Variants in SPMIP2 observed in about 807,000 individuals in gnomAD.
SPMIP2 encodes protein SPMIP2.
chr4:159,045,814 C>T, the SPMIP2 span, among the ~76,000 whole-genome samples: 1 of 152,124 alleles, frequency 6.6e-6, no homozygotes, highest in Non-Finnish European at 1.5e-5. Flanking sequence ...GCAGGCAAGC[C>T]GTCAGTTGGG....
the SPMIP2 span, among the ~76,000 whole-genome samples, chr4:158,896,894 G>C: frequency 6.7e-6 from 1 of 149,172 alleles, no homozygotes; most frequent in African/African-American, 2.5e-5. Context: ...TGTGCAAAAC[G>C]TGCAGGTCTG....
the SPMIP2 span, among the ~76,000 whole-genome samples, chr4:159,082,467 G>GTGTATGTGTGTGTGTGTGTGTGTA: frequency 2.0e-5 from 3 of 149,282 alleles, no homozygotes; most frequent in African/African-American, 7.4e-5. Context: ...GTGTGTGTGT[G>GTGTATGTGTGTGTGTGTGTGTGTA]TGTGTGTGTG....
the SPMIP2 span, among the ~76,000 whole-genome samples, chr4:158,998,997 A>G: frequency 5.6e-3 from 851 of 152,050 alleles, 7 homozygotes; most frequent in African/African-American, 0.02. Context: ...CTGTCTCTAC[A>G]AAAAAAATTT....
the SPMIP2 span, among the ~76,000 whole-genome samples, chr4:159,024,123 C>A: frequency 6.6e-6 from 1 of 152,202 alleles, no homozygotes; most frequent in East Asian, 1.9e-4. Context: ...CTCCTGCAAT[C>A]CTGTCCTTTC....
the SPMIP2 span, among the ~76,000 whole-genome samples, chr4:158,976,854 G>GT: frequency 1.3e-5 from 2 of 151,770 alleles, no homozygotes; most frequent in African/African-American, 4.8e-5. Flanking sequence ...TAGAGACGGG[G>GT]TTTCACCATG....
chr4:158,937,209 T>C, the SPMIP2 span, among the ~76,000 whole-genome samples: 1 of 152,258 alleles, frequency 6.6e-6, no homozygotes, highest in African/African-American at 2.4e-5. Flanking sequence ...AACACTTATT[T>C]GATACTGGAT....
At chr4:158,964,151 TCAAAACAAAACAAAA>T in the SPMIP2 span, among the ~76,000 whole-genome samples, 594 of 100,162 alleles carry the variant, frequency 5.9e-3, 8 homozygotes, top group African/African-American at 0.015. Context: ...TGAGACTATC[TCAAAACAAAACAAAA>T]CAAAACAAAA....
chr4:158,973,420 C>T, the SPMIP2 span: 44 of 615,548 alleles, frequency 7.1e-5, no homozygotes, highest in South Asian at 2.9e-4. Context: ...GTACTTACTA[C>T]GTTCTAGGTT....
the SPMIP2 span, among the ~76,000 whole-genome samples, chr4:158,938,110 T>C: frequency 6.6e-6 from 1 of 152,232 alleles, no homozygotes; most frequent in Non-Finnish European, 1.5e-5. Context: ...CAAAATTGGA[T>C]GATCCCACAT....
chr4:158,943,889 C>T, the SPMIP2 span, among the ~76,000 whole-genome samples: 9 of 101,434 alleles, frequency 8.9e-5, no homozygotes, highest in Non-Finnish European at 1.3e-4. Context: ...GACAGTCTCG[C>T]TCTGTCGCCA....
chr4:159,009,916 G>A, the SPMIP2 span, among the ~76,000 whole-genome samples: 3 of 152,158 alleles, frequency 2.0e-5, no homozygotes, highest in Non-Finnish European at 4.4e-5. Context: ...AGTCCAGGAG[G>A]TTGGGAGGTC....
At chr4:158,985,364 C>T in the SPMIP2 span, among the ~76,000 whole-genome samples, 1 of 146,900 alleles carries the variant, frequency 6.8e-6, no homozygotes, top group Admixed American at 6.9e-5. Context: ...CCTTGATGAA[C>T]ATTGATGCAA....
the SPMIP2 span, among the ~76,000 whole-genome samples, chr4:158,939,141 C>T: frequency 0.7 from 107,039 of 152,178 alleles, 37,858 homozygotes; most frequent in East Asian, 0.9. Flanking sequence ...GTGAGCTGAT[C>T]GGTAGCAATT....
the SPMIP2 span, among the ~76,000 whole-genome samples, chr4:158,961,746 T>A: frequency 1.3e-5 from 2 of 152,116 alleles, no homozygotes; most frequent in Admixed American, 6.5e-5. Context: ...CTCCTATAGA[T>A]ATCAGTCCCT....
At chr4:159,026,673 C>T in the SPMIP2 span, 1 of 271,438 alleles carries the variant, frequency 3.7e-6, no homozygotes, top group Non-Finnish European at 7.1e-6. Context: ...GTTTCAGTAT[C>T]AGATTAATTA....
the SPMIP2 span, among the ~76,000 whole-genome samples, chr4:158,921,594 T>C: frequency 6.6e-6 from 1 of 152,084 alleles, no homozygotes; most frequent in Non-Finnish European, 1.5e-5. Flanking sequence ...TTCTGAGCCC[T>C]CCCCAGAAGC....
At chr4:158,916,561 T>C in the SPMIP2 span, among the ~76,000 whole-genome samples, 1 of 152,228 alleles carries the variant, frequency 6.6e-6, no homozygotes, top group East Asian at 1.9e-4. Context: ...CAGCATAGCA[T>C]GCAGGGAAGT....
the SPMIP2 span, among the ~76,000 whole-genome samples, chr4:159,064,588 C>A: frequency 1.2e-4 from 18 of 152,310 alleles, no homozygotes; most frequent in African/African-American, 4.1e-4. Flanking sequence ...GAAAAAGCAT[C>A]ACCGTATTTC....
At chr4:158,970,656 C>G in the SPMIP2 span, among the ~76,000 whole-genome samples, 3 of 152,026 alleles carry the variant, frequency 2.0e-5, no homozygotes, top group Non-Finnish European at 4.4e-5. Context: ...TAGATCTTAA[C>G]TGTTAAGGAA....
Sources: gnomAD v4.1 joint callset for allele counts (sites outside exome capture counted in the v4.1 genomes callset) on GRCh38, gnomAD v4.1.1 for gene constraint, MANE v1.5 for transcripts, NCBI Gene and HGNC (gene_info 2026-07-23, HGNC 2026-07-21) for gene names.